SEC14L5: variants seen among roughly 807,000 people sequenced by gnomAD.
SEC14L5 encodes SEC14 like lipid binding 5.
SEC14L5 carries 96 observed loss-of-function variants against 84.6 expected under a neutral mutation model. That is an observed-to-expected ratio of 1.13 (90% CI 0.96 to 1.34). The LOEUF (loss-of-function observed/expected upper bound fraction) is 1.34, where lower values mean the gene tolerates loss of function less well. Among genes scored for constraint, SEC14L5 ranks in the 40% most tolerant of loss-of-function variants. The probability of loss-of-function intolerance (pLI) is 0.00; values close to 1 mark genes in which losing one functional copy is unlikely to be tolerated. For synonymous variants in SEC14L5, 546 were observed against 383.4 expected (o/e 1.42, Z -4.95); for missense variants, 1,224 against 942.5 (o/e 1.30, Z -3.91).
chr16:4,984,886 A>G lies in SEC14L5; in HGVS notation c.64-2671A>G, dbSNP rs568686245. ...TCTTCTGCCATTTTAAAATTGGGTC[A>G]TCTCTTTATTGTTGAATTCTAACAC... On this transcript the variant is annotated intron_variant, in intron 2 of 15. Transcript: ENST00000251170. Among the ~76,000 whole-genome samples the G allele has an allele frequency of 5.9e-5, 9 of 152,210 alleles. No homozygotes were observed. The South Asian group carries it at 1.7e-3, about 28-fold the overall frequency.
chr16:4,977,308 G>A (rs1955354674), intron 2 of SEC14L5, among the ~76,000 whole-genome samples: 1 of 151,756 alleles, frequency 6.6e-6, no homozygotes. Flanking sequence ...TTAGTTGGGT[G>A]TGGTGGTGGG....
intron 13 of SEC14L5, 90 bp from the exon 14 acceptor site, chr16:5,008,331 G>C: frequency 2.2e-6 from 2 of 899,010 alleles, no homozygotes. Context: ...AGACCCCAGG[G>C]GGCACCCACA....
At chr16:4,962,878 C>G (rs932127842) in intron 2 of SEC14L5, among the ~76,000 whole-genome samples, 2 of 152,124 alleles carry the variant, frequency 1.3e-5, no homozygotes, top group Non-Finnish European at 2.9e-5. Context: ...ATTATTGTCC[C>G]CAAAATAGCT....
Position 5,008,432 on chromosome 16 carries a change from G to C in SEC14L5, c.1584G>C (p.Glu528Asp), listed in dbSNP as rs1596644548. The C allele has an allele frequency of 1.9e-6, 3 of 1,612,576 alleles. No individual in the cohort carries two copies. Among genetic ancestry groups the C allele is most frequent in the African/African-American group, 1.3e-5 (1 of 75,034 alleles). ...LRGAPHEVAV[E>D]ILEGESVITW... ...CTGTCTCCACACAGGTGGCCGTGGA[G>C]ATCCTGGAAGGAGAGTCGGTCATCA... The change falls in exon 14 of 16, where the codon GAG becomes GAC. Residue 528 changes from glutamate to aspartate, a missense_variant. Glu to Asp is a conservative substitution (Grantham distance 45). Transcript: ENST00000251170.
In SEC14L5 at chr16:4,958,933, G is replaced by A. The variant is rs77505078; in HGVS notation, c.-51-340G>A. On this transcript the variant is annotated intron_variant, in intron 1 of 15. Coordinates refer to ENST00000251170, the MANE Select transcript of SEC14L5 (RefSeq NM_014692.2). ...CTGTGGCAAGCTGCGGGGTGCATGC[G>A]TGAATAGAACCGTGGGAGTGTAAGA... Among the ~76,000 whole-genome samples, 28 of 152,198 alleles carry A rather than the reference G, an allele frequency of 1.8e-4. No individual in the cohort carries two copies. The East Asian group carries it at 4.6e-3, about 25-fold the overall frequency.
intron 10 of SEC14L5, among the ~76,000 whole-genome samples, chr16:5,002,453 C>G (rs551125967): frequency 3.3e-5 from 5 of 152,054 alleles, no homozygotes; most frequent in Admixed American, 1.3e-4. Context: ...CCTGCCACCA[C>G]GCCTGGCTAA....
At chr16:4,988,357 C>T (rs891667669) in intron 4 of SEC14L5, 77 bp downstream of exon 4, 2 of 1,536,302 alleles carry the variant, frequency 1.3e-6, no homozygotes, top group Admixed American at 1.9e-5. Context: ...AGAGCTGTGT[C>T]CCCACATTCC....
At chr16:4,987,492 C>A in intron 2 of SEC14L5, 65 bp from the exon 3 acceptor site, 1 of 1,185,676 alleles carries the variant, frequency 8.4e-7, no homozygotes, top group South Asian at 1.4e-5. Context: ...ATAAGGAGGT[C>A]GCGCTGGGGG....
In SEC14L5 at chr16:5,000,857, T is replaced by C. The variant is rs1955668313; in HGVS notation, c.1062T>C (p.Val354=). 6.2e-7 allele frequency: 1 copy of C among 1,603,834 alleles called. No individual in the cohort carries two copies. Among genetic ancestry groups the C allele is most frequent in the Non-Finnish European group, 8.5e-7 (1 of 1,175,378 alleles). ...GCAGCACTGTCTCTCCCTTCCAGGT[T>C]CTCTCCGTCAACGAGGAAGGACAGA... ...AVGEEALLRH[V]LSVNEEGQKR... The change falls in exon 10 of 16, where the codon GTT becomes GTC. Residue 354 remains valine, a splice_region_variant and synonymous_variant. Transcript: ENST00000251170.
At chr16:4,978,445 A>G (rs1372163825) in intron 2 of SEC14L5, among the ~76,000 whole-genome samples, 1 of 131,942 alleles carries the variant, frequency 7.6e-6, no homozygotes, top group Non-Finnish European at 1.6e-5. Flanking sequence ...AAGAAACAAG[A>G]TCTTGCTCTG....
intron 15 of SEC14L5, among the ~76,000 whole-genome samples, chr16:5,011,843 G>A (rs150655844): frequency 3.1e-4 from 47 of 152,272 alleles, no homozygotes; most frequent in African/African-American, 1.1e-3. Flanking sequence ...GAAGCTGCCT[G>A]TCACCTGGGC....
intron 2 of SEC14L5, among the ~76,000 whole-genome samples, chr16:4,969,539 A>G (rs1313675195): frequency 1.3e-5 from 2 of 152,100 alleles, no homozygotes; most frequent in East Asian, 1.9e-4. Context: ...GCCTGCCACC[A>G]TGCTCGGCTA....
At position 4,990,458 on chromosome 16, in the gene SEC14L5, C is replaced by T. The variant is rs921688965; in HGVS notation, c.346-309C>T. 2.6e-4 allele frequency among the ~76,000 whole-genome samples: 40 copies of T among 152,216 alleles called. 1 individual carries two copies. Among genetic ancestry groups the T allele is most frequent in the Non-Finnish European group, 2.1e-4 (14 of 68,036 alleles). On this transcript the variant is annotated intron_variant, in intron 4 of 15. Coordinates refer to ENST00000251170, the MANE Select transcript of SEC14L5 (RefSeq NM_014692.2). The stretch of plus-strand genomic sequence containing the variant: ...GATTACAGGCGTGAGCCGCCATGCC[C>T]GACCTAAACATAAGTATTTCTAACT...
chr16:4,982,077 G>A (rs1242889788), intron 2 of SEC14L5, among the ~76,000 whole-genome samples: 1 of 152,128 alleles, frequency 6.6e-6, no homozygotes, highest in African/African-American at 2.4e-5. Flanking sequence ...TGTGTTTGTC[G>A]CAGCAACTGA....
chr16:4,991,431 T>G (rs1031111313), intron 5 of SEC14L5, among the ~76,000 whole-genome samples: 1 of 151,888 alleles, frequency 6.6e-6, no homozygotes, highest in African/African-American at 2.4e-5. Flanking sequence ...GTGGGTGTGG[T>G]GGTGTGTGCC....
Position 5,006,417 on chromosome 16 carries a change from G to A in SEC14L5, c.1437+369G>A, listed in dbSNP as rs149145002. Reference sequence around the variant, plus strand: ...TCATTCACTGCAGGGGAGGTGACTCGAATGTATCTGCAGCTCTGGACCCTG... The same window carrying A: ...TCATTCACTGCAGGGGAGGTGACTCAAATGTATCTGCAGCTCTGGACCCTG... On this transcript the variant is annotated intron_variant, in intron 12 of 15. Coordinates refer to ENST00000251170, the MANE Select transcript of SEC14L5 (RefSeq NM_014692.2). Among the ~76,000 whole-genome samples, 52 of 152,296 alleles carry A rather than the reference G, an allele frequency of 3.4e-4. 1 individual carries two copies. In the East Asian group the frequency reaches 9.5e-3, roughly 28 times the overall value.
intron 2 of SEC14L5, among the ~76,000 whole-genome samples, chr16:4,980,503 C>T (rs562081395): frequency 9.2e-5 from 14 of 152,244 alleles, no homozygotes; most frequent in Admixed American, 8.5e-4. Context: ...TGTGCTGAGT[C>T]TGTGGCTTTA....
chr16:5,008,033 G>A (rs1298769716), intron 13 of SEC14L5, among the ~76,000 whole-genome samples: 1 of 150,628 alleles, frequency 6.6e-6, no homozygotes, highest in Non-Finnish European at 1.5e-5. Flanking sequence ...TCAGCCTCCC[G>A]AGTAGCTGGG....
rs1374697702 is a variant in SEC14L5 at position 5,015,530 on chromosome 16, A to C, written c.*560A>C. The C allele has an allele frequency of 6.5e-6, 1 of 154,052 alleles. No individual in the cohort carries two copies. Among genetic ancestry groups the C allele is most frequent in the Non-Finnish European group, 1.4e-5 (1 of 69,130 alleles). 9.5% of individuals were successfully genotyped at this position (154,052 alleles called of 1,614,324 possible). On this transcript the variant is annotated 3_prime_UTR_variant, in exon 16 of 16. Transcript: ENST00000251170. ...AGCAGGGTCATGCCCAATCTGGACC[A>C]ATCACCGTGATCCAGGGTTGCAGTG... is the stretch of plus-strand genomic sequence containing the variant.
Sources: allele counts gnomAD v4.1 joint callset (sites outside exome capture counted in the v4.1 genomes callset), GRCh38; gene constraint gnomAD v4.1.1; transcripts MANE v1.5; gene names NCBI Gene and HGNC (gene_info 2026-07-23, HGNC 2026-07-21).